XNDC1N: variants seen among roughly 807,000 people sequenced by gnomAD.
XNDC1N encodes the protein XRCC1 N-terminal domain containing 1, N-terminal like.
the XNDC1N span, among the ~76,000 whole-genome samples, chr11:71,909,173 G>A: frequency 2.0e-5 from 3 of 152,196 alleles, no homozygotes; most frequent in African/African-American, 2.4e-5. Context: ...AACAGGCTGG[G>A]CTTGCAGGGA....
chr11:71,897,541 G>A, the XNDC1N span, among the ~76,000 whole-genome samples: 4 of 152,200 alleles, frequency 2.6e-5, no homozygotes, highest in Non-Finnish European at 2.9e-5. Context: ...CCACAGATTA[G>A]GATGGATGTG....
chr11:71,913,665 TAAAAAAAAAA>T, the XNDC1N span, among the ~76,000 whole-genome samples: 6 of 105,338 alleles, frequency 5.7e-5, no homozygotes, highest in African/African-American at 1.4e-4. Flanking sequence ...TCTCAAAAGA[TAAAAAAAAAA>T]AAAAAAAAAA....
the XNDC1N span, among the ~76,000 whole-genome samples, chr11:71,901,024 G>A: frequency 2.8e-4 from 43 of 152,168 alleles, no homozygotes; most frequent in Non-Finnish European, 4.7e-4. Context: ...CCCTTTCGGG[G>A]TTCCTTGTAG....
chr11:71,889,526 G>A, the XNDC1N span, among the ~76,000 whole-genome samples: 6 of 152,214 alleles, frequency 3.9e-5, no homozygotes, highest in South Asian at 2.1e-4. Context: ...GGATGGATTC[G>A]GTTAGCAGAT....
At chr11:71,900,086 G>A in the XNDC1N span, among the ~76,000 whole-genome samples, 1 of 152,236 alleles carries the variant, frequency 6.6e-6, no homozygotes, top group Admixed American at 6.5e-5. Flanking sequence ...ACCTTCCCTT[G>A]AACTTCATTA....
the XNDC1N span, among the ~76,000 whole-genome samples, chr11:71,925,713 G>A: frequency 6.8e-6 from 1 of 148,000 alleles, no homozygotes; most frequent in Non-Finnish European, 1.5e-5. Context: ...CGGATCACGA[G>A]GTCAGGAGTA....
chr11:71,872,999 T>C, the XNDC1N span, among the ~76,000 whole-genome samples: 21 of 152,150 alleles, frequency 1.4e-4, no homozygotes, highest in Non-Finnish European at 2.2e-4. Context: ...TTTTTTCTCT[T>C]TTTCTCATGA....
chr11:71,923,219 G>T, the XNDC1N span: 1 of 696,040 alleles, frequency 1.4e-6, no homozygotes, highest in Non-Finnish European at 2.6e-6. Context: ...CTATTAGATT[G>T]GGAGTTTCCT....
the XNDC1N span, among the ~76,000 whole-genome samples, chr11:71,867,958 T>C: frequency 2.0e-5 from 3 of 152,244 alleles, no homozygotes; most frequent in African/African-American, 7.2e-5. Context: ...GTTTTATGAA[T>C]TTGCGCACAC....
the XNDC1N span, among the ~76,000 whole-genome samples, chr11:71,901,804 A>G: frequency 6.6e-6 from 1 of 152,030 alleles, no homozygotes; most frequent in East Asian, 1.9e-4. Context: ...GATCCGATGG[A>G]AGTGAGTGAT....
chr11:71,923,935 C>G, the XNDC1N span, among the ~76,000 whole-genome samples: 1 of 151,916 alleles, frequency 6.6e-6, no homozygotes, highest in Admixed American at 6.6e-5. Flanking sequence ...TGATGAGGCT[C>G]CAACTCGAAT....
the XNDC1N span, chr11:71,893,816 CTG>C: frequency 9.2e-4 from 942 of 1,020,660 alleles, 6 homozygotes; most frequent in African/African-American, 0.014. Context: ...ATGCTCCTGA[CTG>C]TGATGACCTA....
the XNDC1N span, chr11:71,923,236 G>A: frequency 1.3e-5 from 9 of 698,168 alleles, no homozygotes; most frequent in Non-Finnish European, 2.3e-5. Flanking sequence ...TCCTGAAAGT[G>A]GAGCCAAGAC....
the XNDC1N span, among the ~76,000 whole-genome samples, chr11:71,897,931 G>T: frequency 7.3e-5 from 11 of 151,396 alleles, no homozygotes; most frequent in African/African-American, 2.4e-4. Context: ...GCCTGTAATC[G>T]CAGCGTCTTG....
the XNDC1N span, among the ~76,000 whole-genome samples, chr11:71,866,888 T>C: frequency 2.0e-5 from 3 of 152,150 alleles, no homozygotes; most frequent in Admixed American, 6.5e-5. Flanking sequence ...TTTGATATGA[T>C]CGAGACAATA....
At chr11:71,889,652 C>A in the XNDC1N span, among the ~76,000 whole-genome samples, 1 of 152,188 alleles carries the variant, frequency 6.6e-6, no homozygotes. Flanking sequence ...TTCTACATCT[C>A]GCCTTTGTCT....
At chr11:71,896,649 T>A in the XNDC1N span, among the ~76,000 whole-genome samples, 2 of 152,234 alleles carry the variant, frequency 1.3e-5, no homozygotes, top group Admixed American at 6.5e-5. Context: ...CCGCAACCTC[T>A]GCCTCCTGGG....
At chr11:71,914,947 T>C in the XNDC1N span, among the ~76,000 whole-genome samples, 1 of 152,204 alleles carries the variant, frequency 6.6e-6, no homozygotes, top group Admixed American at 6.5e-5. Context: ...ACTCAAATTT[T>C]GAAAGAAGTT....
the XNDC1N span, among the ~76,000 whole-genome samples, chr11:71,890,302 G>C: frequency 1.3e-5 from 2 of 152,062 alleles, no homozygotes; most frequent in African/African-American, 4.8e-5. Context: ...ATATCACATT[G>C]TGCGTGTACG....
Sources: allele counts gnomAD v4.1 joint callset (sites outside exome capture counted in the v4.1 genomes callset), GRCh38; gene constraint gnomAD v4.1.1; transcripts MANE v1.5; gene names NCBI Gene and HGNC (gene_info 2026-07-23, HGNC 2026-07-21).